The following UGT2B4 variants were observed in gnomAD, a reference collection of about 807,000 sequenced individuals.
The protein encoded by UGT2B4 is UDP glucuronosyltransferase family 2 member B4.
In UGT2B4, 49 loss-of-function variants were observed where a neutral mutation model predicts 49.8. That is an observed-to-expected ratio of 0.98 (90% CI 0.78 to 1.25). The LOEUF is 1.25. Ranked by LOEUF, UGT2B4 falls within the 50% of genes most tolerant of loss-of-function variation. The probability of loss-of-function intolerance (pLI) is 0.00; values close to 1 mark genes in which losing one functional copy is unlikely to be tolerated. For missense variants in UGT2B4, 729 were observed against 627.7 expected (o/e 1.16, Z -1.73); for synonymous variants, 246 against 217.7 (o/e 1.13, Z -1.14).
upstream of UGT2B4, among the ~76,000 whole-genome samples, chr4:69,500,670 G>A (rs377658404): frequency 7.6e-3 from 476 of 62,734 alleles, 2 homozygotes; most frequent in Middle Eastern, 0.013. Flanking sequence ...AGAAAGAAAG[G>A]AAGGAAAGAA....
intron 2 of UGT2B4, among the ~76,000 whole-genome samples, chr4:69,493,402 T>C (rs1728050569): frequency 6.6e-6 from 1 of 152,172 alleles, no homozygotes; most frequent in African/African-American, 2.4e-5. Flanking sequence ...TGCTAATCTC[T>C]TTATAAATAT....
intron 1 of UGT2B4, among the ~76,000 whole-genome samples, chr4:69,503,790 C>T (rs768852984): frequency 8.5e-5 from 13 of 152,194 alleles, no homozygotes; most frequent in African/African-American, 2.4e-4. Flanking sequence ...CTTCAGCCTT[C>T]GTGATGAGCA....
intron 1 of UGT2B4, among the ~76,000 whole-genome samples, chr4:69,501,716 G>A (rs1482178419): frequency 2.0e-5 from 3 of 152,066 alleles, no homozygotes; most frequent in South Asian, 2.1e-4. Flanking sequence ...TCTGGGGAAG[G>A]GGCAGGCTGT....
chr4:69,515,291 C>A (rs1577903226), intron 1 of UGT2B4, among the ~76,000 whole-genome samples: 1 of 151,404 alleles, frequency 6.6e-6, no homozygotes, highest in Non-Finnish European at 1.5e-5. Flanking sequence ...TCAGCAAACA[C>A]AAAAAACTGA....
chr4:69,500,971 T>C lies in UGT2B4; in HGVS notation c.-105-5005A>G, dbSNP rs112764265. Among the ~76,000 whole-genome samples, 9 of 152,050 alleles carry C rather than the reference T, an allele frequency of 5.9e-5. 1 individual carries two copies. Among genetic ancestry groups the C allele is most frequent in the African/African-American group, 2.2e-4 (9 of 41,488 alleles). On this transcript the variant is annotated intron_variant, in intron 1 of 1. Transcript: ENST00000510114. ...GGCTTCCTGGCAAAAGTAGCTGTAG[T>C]TCTGGCAAAGTGGGAGGTTAGGAAT...
At chr4:69,495,056 C>T (rs543996143) in intron 1 of UGT2B4, 85 bp downstream of exon 1, 54 of 1,295,884 alleles carry the variant, frequency 4.2e-5, no homozygotes, top group Non-Finnish European at 3.1e-5. Flanking sequence ...ACCCCACTAC[C>T]CTGACTTTAT....
chr4:69,506,394 G>A (rs1355376819), intron 1 of UGT2B4, among the ~76,000 whole-genome samples: 1 of 151,848 alleles, frequency 6.6e-6, no homozygotes, highest in Non-Finnish European at 1.5e-5. Context: ...ACAAGGAGGA[G>A]ATTAGCACAG....
Position 69,495,230 on chromosome 4 carries a change from A to G in UGT2B4, c.632T>C (p.Val211Ala), listed in dbSNP as rs1167155661. 6.2e-7 allele frequency: 1 copy of G among 1,608,604 alleles called. No individual in the cohort carries two copies. Reference protein sequence around the residue: ...LSDQMTFIERVKNMIYVLYFE... With the variant: ...LSDQMTFIERAKNMIYVLYFE... Reference sequence around the variant, plus strand: ...ATAAAGCACATAGATCATATTTTTTACCCTCTCTATGAAAGTCATTTGGTC... The same window carrying G: ...ATAAAGCACATAGATCATATTTTTTGCCCTCTCTATGAAAGTCATTTGGTC... The change falls in exon 1 of 6, where the codon GTA becomes GCA. Residue 211 changes from valine (V) to alanine (A), a missense_variant. Physicochemically the swap from Val to Ala is moderately conservative, Grantham distance 64 (BLOSUM62 0). Transcript: ENST00000305107.
upstream of UGT2B4, among the ~76,000 whole-genome samples, chr4:69,500,602 CAAGGAAGAAAGAAAGA>C (rs1444249690): frequency 3.5e-3 from 166 of 47,332 alleles, 5 homozygotes; most frequent in South Asian, 0.012. Flanking sequence ...AGCAAGAAAG[CAAGGAAGAAAGAAAGA>C]AAGAAAGAAA....
intron 1 of UGT2B4, among the ~76,000 whole-genome samples, chr4:69,515,309 A>T (rs962575260): frequency 6.6e-6 from 1 of 152,214 alleles, no homozygotes; most frequent in South Asian, 2.1e-4. Flanking sequence ...TGAATTCATA[A>T]CAGTCTCTTA....
chr4:69,504,567 GA>G (rs1007294677), intron 1 of UGT2B4, among the ~76,000 whole-genome samples: 4 of 152,044 alleles, frequency 2.6e-5, no homozygotes, highest in African/African-American at 9.7e-5. Flanking sequence ...GAATGAAAAG[GA>G]ATGAATGAAA....
At chr4:69,525,796 G>T in exon 1 of UGT2B4, 2 of 1,144,010 alleles carry the variant, frequency 1.7e-6, no homozygotes, top group Non-Finnish European at 2.3e-6. Flanking sequence ...TAACATTTAT[G>T]TTTATATTAA....
At position 69,495,479 on chromosome 4, in the gene UGT2B4, T is replaced by C. The variant is rs935021110; in HGVS notation, c.383A>G (p.Lys128Arg). 6 of 1,612,290 alleles carry C rather than the reference T, an allele frequency of 3.7e-6. No individual in the cohort carries two copies. In the African/African-American group the frequency reaches 6.7e-5, roughly 18 times the overall value. Residue 128 changes from lysine (K) to arginine (R), a missense_variant, in exon 1 of 6, where the codon AAG becomes AGG. Lys to Arg is a conservative substitution (Grantham distance 26). Transcript: ENST00000305107. ...TFNDILRKFCKDIVSNKKLMK... is the reference protein window; with the variant it reads ...TFNDILRKFCRDIVSNKKLMK... The stretch of plus-strand genomic sequence containing the variant: ...AAGTTTCTTATTTGAAACTATATCC[T>C]TACAGAACTTTCTAAGTATGTCATT...
At chr4:69,490,621 A>G (rs1271302210) in intron 2 of UGT2B4, among the ~76,000 whole-genome samples, 1 of 152,208 alleles carries the variant, frequency 6.6e-6, no homozygotes, top group African/African-American at 2.4e-5. Context: ...TCATTGGGGT[A>G]AAACTTTTTC....
chr4:69,509,773 C>T (rs978088030), intron 1 of UGT2B4, among the ~76,000 whole-genome samples: 1 of 151,872 alleles, frequency 6.6e-6, no homozygotes, highest in Admixed American at 6.6e-5. Context: ...AGATACATAT[C>T]TTGACAGTAT....
rs113361105 is a variant in UGT2B4, at chr4:69,502,982, G to GT, written c.-105-7017_-105-7016insA. Among the ~76,000 whole-genome samples the GT allele has an allele frequency of 3.6e-3, 5 of 1,374 alleles. No homozygotes were observed. The Non-Finnish European group carries it at 0.3, about 82-fold the overall frequency. 0.9% of individuals were successfully genotyped at this position (1,374 alleles called of 152,430 possible). On this transcript the variant is annotated intron_variant, in intron 1 of 1. Transcript: ENST00000510114. ...GTGATTGCTGACCAGCACCTCTCTG[G>GT]GGGGATCCTCCAGGAGACAAGCAAA...
chr4:69,490,748 G>A (rs1196617326), intron 2 of UGT2B4, among the ~76,000 whole-genome samples: 1 of 152,098 alleles, frequency 6.6e-6, no homozygotes, highest in Admixed American at 6.6e-5. Flanking sequence ...TGTTAATGAT[G>A]TTAGAGTCAT....
intron 5 of UGT2B4, among the ~76,000 whole-genome samples, chr4:69,483,699 T>C (rs896180483): frequency 2.0e-5 from 3 of 152,134 alleles, no homozygotes; most frequent in Non-Finnish European, 4.4e-5. Flanking sequence ...CATAAAAACA[T>C]TATTAATAGT....
At chr4:69,504,468 A>G (rs924007740) in intron 1 of UGT2B4, among the ~76,000 whole-genome samples, 70 of 152,216 alleles carry the variant, frequency 4.6e-4, no homozygotes, top group African/African-American at 1.6e-3. Flanking sequence ...AAGTATTAAC[A>G]GCAGAATAGA....
Sources: allele counts gnomAD v4.1 joint callset (sites outside exome capture counted in the v4.1 genomes callset), GRCh38; gene constraint gnomAD v4.1.1; transcripts MANE v1.5; gene names NCBI Gene and HGNC (gene_info 2026-07-23, HGNC 2026-07-21).